Variants in ENTREP2 observed in about 807,000 individuals in gnomAD.
ENTREP2 encodes the protein endosomal transmembrane epsin interactor 2, also known as protein ENTREP2.
chr15:29,475,171 C>G, the ENTREP2 span, among the ~76,000 whole-genome samples: 1 of 152,132 alleles, frequency 6.6e-6, no homozygotes, highest in South Asian at 2.1e-4. Flanking sequence ...GACAGCCTTT[C>G]TGGGCCCCCA....
At chr15:29,318,107 G>C in the ENTREP2 span, among the ~76,000 whole-genome samples, 2 of 152,118 alleles carry the variant, frequency 1.3e-5, no homozygotes, top group African/African-American at 4.8e-5. Flanking sequence ...CAACAAACTT[G>C]AAGGAGTAAT....
chr15:29,377,599 G>A, the ENTREP2 span, among the ~76,000 whole-genome samples: 22 of 152,050 alleles, frequency 1.4e-4, no homozygotes, highest in Admixed American at 7.2e-4. Context: ...CAAGGTGGGC[G>A]GATCACGAGA....
the ENTREP2 span, among the ~76,000 whole-genome samples, chr15:29,333,626 T>C: frequency 6.6e-6 from 1 of 152,132 alleles, no homozygotes; most frequent in Non-Finnish European, 1.5e-5. Flanking sequence ...ATTTTCCCCA[T>C]AGCCTTATCC....
the ENTREP2 span, among the ~76,000 whole-genome samples, chr15:29,190,338 T>G: frequency 6.6e-6 from 1 of 151,870 alleles, no homozygotes; most frequent in Non-Finnish European, 1.5e-5. Flanking sequence ...AGAGGCTTGT[T>G]GGCCCCCAGG....
chr15:29,217,725 T>C, the ENTREP2 span, among the ~76,000 whole-genome samples: 2 of 149,348 alleles, frequency 1.3e-5, no homozygotes, highest in African/African-American at 5.2e-5. Flanking sequence ...CTGATTTGTT[T>C]AATAACTAAC....
the ENTREP2 span, among the ~76,000 whole-genome samples, chr15:29,385,744 C>CAG: frequency 6.6e-6 from 1 of 152,178 alleles, no homozygotes; most frequent in African/African-American, 2.4e-5. Context: ...GCTCCACCCT[C>CAG]AGGCCTGTGC....
the ENTREP2 span, among the ~76,000 whole-genome samples, chr15:29,343,177 G>A: frequency 6.6e-6 from 1 of 152,132 alleles, no homozygotes; most frequent in Non-Finnish European, 1.5e-5. Context: ...CATAAAGGAA[G>A]TATGATAGGT....
At chr15:29,159,053 T>C in the ENTREP2 span, among the ~76,000 whole-genome samples, 1 of 152,138 alleles carries the variant, frequency 6.6e-6, no homozygotes, top group Non-Finnish European at 1.5e-5. Context: ...GTCGTGGTAG[T>C]GTATCTGGAA....
chr15:29,315,245 T>C, the ENTREP2 span, among the ~76,000 whole-genome samples: 2 of 152,116 alleles, frequency 1.3e-5, no homozygotes, highest in Admixed American at 6.5e-5. Context: ...ACTGATTATA[T>C]AGTTCTTGGA....
the ENTREP2 span, among the ~76,000 whole-genome samples, chr15:29,605,952 G>C: frequency 7.2e-5 from 11 of 152,116 alleles, no homozygotes; most frequent in African/African-American, 2.7e-4. Context: ...AGCCACCCCA[G>C]AAGCACCTCC....
chr15:29,164,431 G>T, the ENTREP2 span, among the ~76,000 whole-genome samples: 3 of 152,164 alleles, frequency 2.0e-5, no homozygotes, highest in South Asian at 2.1e-4. Context: ...ACTATCTGCT[G>T]CCTTCAGGAG....
the ENTREP2 span, among the ~76,000 whole-genome samples, chr15:29,606,281 C>CTGGA: frequency 2.0e-5 from 3 of 149,650 alleles, 1 homozygote; most frequent in South Asian, 6.3e-4. Context: ...GTCACCCAGA[C>CTGGA]TGGAGTGCAG....
the ENTREP2 span, among the ~76,000 whole-genome samples, chr15:29,462,891 T>C: frequency 1.3e-5 from 2 of 152,106 alleles, no homozygotes; most frequent in Non-Finnish European, 2.9e-5. Context: ...GATATGTAGT[T>C]TCTACTCCTG....
the ENTREP2 span, among the ~76,000 whole-genome samples, chr15:29,394,882 CTTTTTTTTT>C: frequency 3.9e-3 from 371 of 95,840 alleles, 1 homozygote; most frequent in Non-Finnish European, 5.8e-3. Context: ...GTCAGAATCT[CTTTTTTTTT>C]TTTTTTTTTT....
At chr15:29,385,392 C>T in the ENTREP2 span, among the ~76,000 whole-genome samples, 1 of 152,208 alleles carries the variant, frequency 6.6e-6, no homozygotes, top group Non-Finnish European at 1.5e-5. Context: ...ACACGGGTGA[C>T]TTGCTCACTG....
the ENTREP2 span, among the ~76,000 whole-genome samples, chr15:29,309,983 C>T: frequency 2.0e-5 from 3 of 152,130 alleles, no homozygotes; most frequent in South Asian, 2.1e-4. Flanking sequence ...CTGCATGCTC[C>T]GAGGGTCTGC....
At chr15:29,382,261 CA>C in the ENTREP2 span, among the ~76,000 whole-genome samples, 43,932 of 134,702 alleles carry the variant, frequency 0.33, 7,328 homozygotes, top group African/African-American at 0.48. Flanking sequence ...GACTCCATCT[CA>C]AAAAAAAAAA....
At chr15:29,536,845 C>T in the ENTREP2 span, among the ~76,000 whole-genome samples, 1 of 152,046 alleles carries the variant, frequency 6.6e-6, no homozygotes, top group Non-Finnish European at 1.5e-5. Flanking sequence ...AGAGACTGGA[C>T]TGCTGAGACT....
the ENTREP2 span, among the ~76,000 whole-genome samples, chr15:29,607,885 TTAAG>T: frequency 6.6e-5 from 10 of 151,924 alleles, no homozygotes; most frequent in African/African-American, 2.4e-4. Context: ...GGGGAGTTTA[TTAAG>T]TATTAAATTA....
Sources: allele counts gnomAD v4.1 joint callset (sites outside exome capture counted in the v4.1 genomes callset), GRCh38; gene constraint gnomAD v4.1.1; transcripts MANE v1.5; gene names NCBI Gene and HGNC (gene_info 2026-07-23, HGNC 2026-07-21).